The following TSPAN15 variants were observed in gnomAD, a reference collection of about 807,000 sequenced individuals.
TSPAN15 encodes tetraspanin 15, also known as tetraspanin-15.
TSPAN15 carries 20 observed loss-of-function variants against 34.5 expected under a neutral mutation model. The ratio of observed to expected loss-of-function variants is 0.58; its 90% CI spans 0.41 to 0.84. The LOEUF (loss-of-function observed/expected upper bound fraction) is 0.84. TSPAN15 is among the 40% of genes least tolerant of loss of function. The pLI is 0.00. For missense variants in TSPAN15, 313 were observed against 386.1 expected (o/e 0.81, Z 1.59); for synonymous variants, 155 against 153.9 (o/e 1.01, Z -0.05).
In TSPAN15 at chr10:69,462,162, T is replaced by TTTG. The variant is rs1841279427; in HGVS notation, c.96+10474_96+10475insGTT. On this transcript the variant is annotated intron_variant, in intron 1 of 7. Coordinates refer to ENST00000373290, the MANE Select transcript of TSPAN15 (RefSeq NM_012339.5). ...TACCTGGCTAATTTTAAAGTTTTTT[T>TTTG]TTTTTTTTTTTTTTTTTTTGTAGAA... Among the ~76,000 whole-genome samples, 6 of 118,582 alleles carry TTTG rather than the reference T, an allele frequency of 5.1e-5. 1 individual carries two copies. The highest frequency in any genetic ancestry group is 2.2e-4 in the East Asian group (1 of 4,560). The allele number at this position is 118,582 out of a possible 152,430, so 77.8% of individuals were successfully genotyped here.
chr10:69,490,475 C>CT (rs1176061954), intron 3 of TSPAN15, among the ~76,000 whole-genome samples: 38 of 152,350 alleles, frequency 2.5e-4, no homozygotes, highest in African/African-American at 9.1e-4. Context: ...AATCCCAGCA[C>CT]TTTGGGAGGC....
At chr10:69,521,485 AAAAATAC>A in the TSPAN15 span, among the ~76,000 whole-genome samples, 1 of 148,066 alleles carries the variant, frequency 6.8e-6, no homozygotes, top group Non-Finnish European at 1.5e-5. Context: ...TGTCTCTACT[AAAAATAC>A]AAAAATTAGC....
chr10:69,528,918 A>G, the TSPAN15 span, among the ~76,000 whole-genome samples: 4 of 148,068 alleles, frequency 2.7e-5, 1 homozygote, highest in Non-Finnish European at 6.0e-5. Flanking sequence ...CGGGCCTGGA[A>G]AAGGCACCAC....
intron 3 of TSPAN15, among the ~76,000 whole-genome samples, chr10:69,493,332 C>T (rs925744455): frequency 1.5e-4 from 23 of 152,234 alleles, no homozygotes; most frequent in African/African-American, 5.3e-4. Context: ...CAGCTGCTCA[C>T]AGGAGCCTGC....
At chr10:69,455,609 T>TTTCTTTCTTTCTTTCTTTCTTTCTTTCC (rs1841081485) in intron 1 of TSPAN15, among the ~76,000 whole-genome samples, 1 of 101,344 alleles carries the variant, frequency 9.9e-6, no homozygotes, top group Non-Finnish European at 2.1e-5. Flanking sequence ...TCTTTCTTTC[T>TTTCTTTCTTTCTTTCTTTCTTTCTTTCC]CTCTCTCTCT....
the TSPAN15 span, among the ~76,000 whole-genome samples, chr10:69,549,110 G>A: frequency 6.6e-6 from 1 of 151,722 alleles, no homozygotes; most frequent in Non-Finnish European, 1.5e-5. Context: ...ATCTAATCAA[G>A]AATGACTAGA....
At chr10:69,498,743 G>C (rs1017048334) in intron 5 of TSPAN15, among the ~76,000 whole-genome samples, 1 of 152,200 alleles carries the variant, frequency 6.6e-6, no homozygotes, top group Non-Finnish European at 1.5e-5. Context: ...TTACAGATGA[G>C]GAAATTGAGG....
chr10:69,495,530 A>G (rs1842060923), intron 3 of TSPAN15, 64 bp from the exon 4 acceptor site: 2 of 1,264,052 alleles, frequency 1.6e-6, no homozygotes, highest in Admixed American at 1.7e-5. Context: ...GGCTTCTGGA[A>G]AACCTTGGGT....
Position 69,507,142 on chromosome 10 carries a change from C to T in TSPAN15, c.*164C>T, listed in dbSNP as rs1482695875. The stretch of plus-strand genomic sequence containing the variant: ...GTAGGTCCCACGGCCTCTGCCTCCC[C>T]AGGGAGCAGAGCCTGGGCCTCCCCT... On this transcript the variant is annotated 3_prime_UTR_variant, in exon 8 of 8. Coordinates refer to ENST00000373290, the MANE Select transcript of TSPAN15 (RefSeq NM_012339.5). The T allele has an allele frequency of 2.1e-6, 3 of 1,441,536 alleles. No homozygotes were observed. In the African/African-American group the frequency reaches 4.3e-5, roughly 21 times the overall value. 89.3% of individuals were successfully genotyped at this position (1,441,536 alleles called of 1,614,324 possible).
chr10:69,479,571 G>A (rs912709671), intron 1 of TSPAN15, among the ~76,000 whole-genome samples: 2 of 152,222 alleles, frequency 1.3e-5, no homozygotes, highest in Admixed American at 1.3e-4. Context: ...CTTGACAGAT[G>A]GGCCATTTGC....
intron 3 of TSPAN15, among the ~76,000 whole-genome samples, chr10:69,493,204 G>A (rs1260647011): frequency 6.6e-6 from 1 of 152,216 alleles, no homozygotes; most frequent in Admixed American, 6.5e-5. Flanking sequence ...AGGTGGGCCT[G>A]GGGCCAAGAG....
At chr10:69,520,907 C>A in the TSPAN15 span, among the ~76,000 whole-genome samples, 1 of 152,024 alleles carries the variant, frequency 6.6e-6, no homozygotes, top group South Asian at 2.1e-4. Flanking sequence ...AGCTGTTTTC[C>A]ATAGTGGTTG....
chr10:69,457,407 A>G (rs1841136936), intron 1 of TSPAN15, among the ~76,000 whole-genome samples: 1 of 152,188 alleles, frequency 6.6e-6, no homozygotes, highest in African/African-American at 2.4e-5. Flanking sequence ...AGGGCTGATC[A>G]TGGTGCTACG....
At chr10:69,509,512 A>T (rs1047644880), downstream of TSPAN15, among the ~76,000 whole-genome samples, 15 of 151,528 alleles carry the variant, frequency 9.9e-5, no homozygotes, top group African/African-American at 3.4e-4. Context: ...GATTGCAAAA[A>T]TTTTCTTCCA....
At chr10:69,544,350 G>C in the TSPAN15 span, among the ~76,000 whole-genome samples, 2 of 152,216 alleles carry the variant, frequency 1.3e-5, no homozygotes, top group Non-Finnish European at 2.9e-5. Context: ...CAATGTTGTT[G>C]AACCTCAGGG....
intron 1 of TSPAN15, among the ~76,000 whole-genome samples, chr10:69,461,095 T>C (rs1841243533): frequency 6.6e-6 from 1 of 152,308 alleles, no homozygotes; most frequent in South Asian, 2.1e-4. Flanking sequence ...TTCATGCAGA[T>C]GCTGGGAGGA....
At chr10:69,473,258 C>T (rs572992049) in intron 1 of TSPAN15, among the ~76,000 whole-genome samples, 5 of 152,144 alleles carry the variant, frequency 3.3e-5, no homozygotes, top group Non-Finnish European at 5.9e-5. Context: ...CTCCTGGGCT[C>T]AAGCGATGGG....
the TSPAN15 span, among the ~76,000 whole-genome samples, chr10:69,539,022 G>A: frequency 6.6e-6 from 1 of 152,130 alleles, no homozygotes; most frequent in African/African-American, 2.4e-5. Context: ...GTCAAATGAA[G>A]GCTGAAAAGT....
At chr10:69,462,578 G>A (rs190548846) in intron 1 of TSPAN15, among the ~76,000 whole-genome samples, 6 of 151,170 alleles carry the variant, frequency 4.0e-5, no homozygotes, top group Admixed American at 6.6e-5. Flanking sequence ...CTCGTGATCC[G>A]CCCGCCTCGG....
Sources: allele counts gnomAD v4.1 joint callset (sites outside exome capture counted in the v4.1 genomes callset), GRCh38; gene constraint gnomAD v4.1.1; transcripts MANE v1.5; gene names NCBI Gene and HGNC (gene_info 2026-07-23, HGNC 2026-07-21).